Variants in LY86 observed in about 807,000 individuals in gnomAD.
LY86 encodes lymphocyte antigen 86.
Under a neutral mutation model 17.3 loss-of-function variants are expected in LY86, and 20 were observed. The observed-to-expected ratio is 1.15, with a 90% CI of 0.81 to 1.68. LY86 has a LOEUF of 1.68. Ranked by LOEUF, LY86 falls within the 40% of genes most tolerant of loss-of-function variation. The pLI is 0.00. For synonymous variants in LY86, 74 were observed against 70.6 expected, an observed-to-expected ratio of 1.05 and a Z score of -0.24; for missense variants, 200 against 191.9, an observed-to-expected ratio of 1.04 and a Z score of -0.25.
intron 3 of LY86, among the ~76,000 whole-genome samples, chr6:6,637,272 A>G (rs954334242): frequency 3.3e-5 from 5 of 152,016 alleles, no homozygotes; most frequent in Non-Finnish European, 5.9e-5. Context: ...CGGCCTCCCA[A>G]AGTGCTGGGA....
intron 1 of LY86, among the ~76,000 whole-genome samples, chr6:6,609,586 G>A (rs1023038998): frequency 6.6e-6 from 1 of 152,168 alleles, no homozygotes; most frequent in Non-Finnish European, 1.5e-5. Flanking sequence ...GCACTGTCAC[G>A]CTGGCCTCTC....
chr6:6,646,274 A>G (rs1257771255), intron 3 of LY86, among the ~76,000 whole-genome samples: 1 of 152,008 alleles, frequency 6.6e-6, no homozygotes, highest in African/African-American at 2.4e-5. Flanking sequence ...GCTCAGATTC[A>G]AGCCCAGATA....
chr6:6,637,688 A>C (rs1761979462), intron 3 of LY86, among the ~76,000 whole-genome samples: 1 of 152,072 alleles, frequency 6.6e-6, no homozygotes, highest in South Asian at 2.1e-4. Flanking sequence ...GAGAGCCCTG[A>C]GTGTGTGAGC....
intron 1 of LY86, chr6:6,621,352 C>G (rs1234783906): frequency 6.6e-6 from 1 of 152,230 alleles, no homozygotes; most frequent in Admixed American, 6.5e-5. Flanking sequence ...GGGAAAGTCT[C>G]TCCGCTCTCA....
At chr6:6,612,703 C>T (rs961352874) in intron 1 of LY86, among the ~76,000 whole-genome samples, 4 of 152,232 alleles carry the variant, frequency 2.6e-5, no homozygotes, top group Non-Finnish European at 5.9e-5. Flanking sequence ...TGATTGGTCG[C>T]GTTTACAATC....
rs113070909 is a variant in LY86, at chr6:6,647,569, C to T, written c.353-2056C>T. Among the ~76,000 whole-genome samples, 10 of 152,320 alleles carry T rather than the reference C, an allele frequency of 6.6e-5. 1 individual carries two copies. Among genetic ancestry groups the T allele is most frequent in the African/African-American group, 2.2e-4 (9 of 41,572 alleles). On this transcript the variant is annotated intron_variant, in intron 3 of 4. Coordinates refer to ENST00000230568, the MANE Select transcript of LY86 (RefSeq NM_004271.4). The stretch of plus-strand genomic sequence containing the variant: ...ATCCACTGCACAGTTCTGTTCTCAT[C>T]TTACTCAGACTCTCAGCAGCAGCAT...
intron 4 of LY86, 141 bp from the exon 5 acceptor site, chr6:6,654,394 CCACAGGGCA>C: frequency 1.6e-6 from 1 of 625,354 alleles, no homozygotes; most frequent in Admixed American, 2.7e-5. Flanking sequence ...GCTGTCAGCT[CCACAGGGCA>C]GGGGTTGGCT....
chr6:6,599,253 A>C (rs577345716), intron 1 of LY86, among the ~76,000 whole-genome samples: 6 of 152,286 alleles, frequency 3.9e-5, no homozygotes, highest in African/African-American at 1.4e-4. Flanking sequence ...ATTCTGAAAG[A>C]CAGAATCACG....
chr6:6,632,732 G>C (rs909821354), intron 3 of LY86, among the ~76,000 whole-genome samples: 5 of 152,136 alleles, frequency 3.3e-5, no homozygotes, highest in African/African-American at 1.2e-4. Context: ...TCTAAGGTCA[G>C]CCTCTAAAAT....
chr6:6,647,869 A>C (rs1762127357), intron 3 of LY86, among the ~76,000 whole-genome samples: 1 of 152,036 alleles, frequency 6.6e-6, no homozygotes, highest in Non-Finnish European at 1.5e-5. Flanking sequence ...TCATAGCTCC[A>C]TTCTTACCTT....
chr6:6,646,827 T>C (rs1416240955), intron 3 of LY86, among the ~76,000 whole-genome samples: 2 of 152,218 alleles, frequency 1.3e-5, no homozygotes, highest in African/African-American at 4.8e-5. Context: ...AACCCAACCA[T>C]TGACCTTCAG....
chr6:6,612,258 T>G (rs1078086), intron 1 of LY86, among the ~76,000 whole-genome samples: 6 of 152,038 alleles, frequency 3.9e-5, no homozygotes, highest in Admixed American at 3.9e-4. Flanking sequence ...TTCCTTCTGA[T>G]GTTCAGATGT....
At chr6:6,654,146 G>A (rs1439611290) in intron 4 of LY86, among the ~76,000 whole-genome samples, 1 of 152,152 alleles carries the variant, frequency 6.6e-6, no homozygotes, top group African/African-American at 2.4e-5. Flanking sequence ...TAAGGTGGGG[G>A]CCCCAGCCCA....
At chr6:6,621,029 C>T (rs1233784700) in intron 1 of LY86, 1 of 152,300 alleles carries the variant, frequency 6.6e-6, no homozygotes, top group African/African-American at 2.4e-5. Context: ...GTGCTGGATT[C>T]ACCCACTATA....
At chr6:6,605,561 G>A (rs1055179047) in intron 1 of LY86, among the ~76,000 whole-genome samples, 5 of 152,254 alleles carry the variant, frequency 3.3e-5, no homozygotes, top group African/African-American at 7.2e-5. Flanking sequence ...TGCTTCCCAC[G>A]GAGTGGGAGA....
rs922244673 is a variant in LY86, at chr6:6,613,545, G to C, written c.137-11381G>C. ...CTGTCAGGCCGGCCGCTCCGAGTGC[G>C]GGGCCCGCCGATCCCACGCCCACCG... On this transcript the variant is annotated intron_variant, in intron 1 of 4. Coordinates refer to ENST00000230568, the MANE Select transcript of LY86 (RefSeq NM_004271.4). Among the ~76,000 whole-genome samples the C allele has an allele frequency of 3.9e-5, 6 of 152,252 alleles. No individual in the cohort carries two copies. The South Asian group carries it at 1.2e-3, about 32-fold the overall frequency.
intron 1 of LY86, among the ~76,000 whole-genome samples, chr6:6,612,341 G>A (rs183734224): frequency 1.6e-4 from 24 of 152,336 alleles, no homozygotes; most frequent in African/African-American, 5.3e-4. Context: ...CTCGCAGTAA[G>A]CATTACACTT....
At chr6:6,626,446 C>T (rs774169340) in intron 3 of LY86, 25 bp downstream of exon 3, 1 of 1,611,942 alleles carries the variant, frequency 6.2e-7, no homozygotes, top group Admixed American at 1.7e-5. Context: ...TTGCTCACTG[C>T]TGGCAGGGGC....
At chr6:6,590,386 A>G (rs1002568721) in intron 1 of LY86, among the ~76,000 whole-genome samples, 10 of 152,238 alleles carry the variant, frequency 6.6e-5, no homozygotes, top group Non-Finnish European at 1.5e-4. Context: ...ACGAGATTTC[A>G]TCATGCTACT....
Sources: allele counts gnomAD v4.1 joint callset (sites outside exome capture counted in the v4.1 genomes callset), GRCh38; gene constraint gnomAD v4.1.1; transcripts MANE v1.5; gene names NCBI Gene and HGNC (gene_info 2026-07-23, HGNC 2026-07-21).